Variants in TMEM132D observed in about 807,000 individuals in gnomAD.
TMEM132D encodes mature OL transmembrane protein.
A neutral mutation model predicts 62.3 loss-of-function variants in TMEM132D; 21 were observed. That is an observed-to-expected ratio of 0.34 (90% CI 0.24 to 0.49). The LOEUF is 0.49. Ranked by LOEUF, TMEM132D falls within the 20% of genes least tolerant of loss-of-function variation. TMEM132D has a pLI of 0.99. For missense variants in TMEM132D, 1,346 were observed against 1,402.8 expected (o/e 0.96, Z 0.65); for synonymous variants, 621 against 575.6 (o/e 1.08, Z -1.13).
intron 5 of TMEM132D, among the ~76,000 whole-genome samples, chr12:129,103,937 A>T (rs999385041): frequency 2.6e-5 from 4 of 152,240 alleles, no homozygotes; most frequent in East Asian, 3.8e-4. Flanking sequence ...GGGTAGGAAT[A>T]ATCAATATCT....
chr12:129,355,302 A>C (rs1421345508), intron 3 of TMEM132D, among the ~76,000 whole-genome samples: 1 of 151,856 alleles, frequency 6.6e-6, no homozygotes, highest in African/African-American at 2.4e-5. Context: ...TTTTTTTTCC[A>C]GAATAGAAAC....
At chr12:129,861,077 C>T (rs1462193357) in intron 1 of TMEM132D, among the ~76,000 whole-genome samples, 1 of 152,142 alleles carries the variant, frequency 6.6e-6, no homozygotes, top group Non-Finnish European at 1.5e-5. Context: ...TGTTTTTAAC[C>T]TTTTGAAACG....
intron 3 of TMEM132D, among the ~76,000 whole-genome samples, chr12:129,420,304 C>CTTTTTT (rs1566063045): frequency 7.2e-5 from 5 of 69,886 alleles, no homozygotes; most frequent in African/African-American, 2.0e-4. Flanking sequence ...TGCACGTTCT[C>CTTTTTT]TGTTTTTTTT....
chr12:129,229,797 C>T (rs1462755990), intron 4 of TMEM132D, among the ~76,000 whole-genome samples: 1 of 152,182 alleles, frequency 6.6e-6, no homozygotes, highest in African/African-American at 2.4e-5. Context: ...ACCTGCAAGC[C>T]ACAGGGATTT....
intron 4 of TMEM132D, among the ~76,000 whole-genome samples, chr12:129,235,882 G>C (rs1593306220): frequency 6.6e-6 from 1 of 152,034 alleles, no homozygotes; most frequent in East Asian, 1.9e-4. Context: ...ATTTCTATGA[G>C]AAATGCCATT....
chr12:129,863,117 G>A (rs2075701192), intron 1 of TMEM132D, among the ~76,000 whole-genome samples: 7 of 152,084 alleles, frequency 4.6e-5, no homozygotes, highest in Admixed American at 4.6e-4. Flanking sequence ...GACAAATGTG[G>A]GCTGTGTCAC....
chr12:129,772,012 G>A (rs1005715107), intron 1 of TMEM132D, among the ~76,000 whole-genome samples: 1 of 152,146 alleles, frequency 6.6e-6, no homozygotes, highest in African/African-American at 2.4e-5. Flanking sequence ...AAAGCAGAGT[G>A]CTGCATTTCC....
chr12:129,494,857 C>T (rs1874902572), intron 3 of TMEM132D, among the ~76,000 whole-genome samples: 3 of 152,176 alleles, frequency 2.0e-5, no homozygotes, highest in African/African-American at 7.2e-5. Context: ...ATCATCCTGG[C>T]CTCTTTGGGA....
intron 1 of TMEM132D, among the ~76,000 whole-genome samples, chr12:129,791,678 G>A (rs189517613): frequency 1.2e-3 from 181 of 152,056 alleles, no homozygotes; most frequent in African/African-American, 4.2e-3. Context: ...ACCAATCCGC[G>A]CTTCTCCACA....
At chr12:129,481,696 T>C (rs1029621030) in intron 3 of TMEM132D, among the ~76,000 whole-genome samples, 5 of 152,232 alleles carry the variant, frequency 3.3e-5, no homozygotes, top group Non-Finnish European at 7.3e-5. Flanking sequence ...AAATGAGCTC[T>C]CTTATACATT....
intron 1 of TMEM132D, among the ~76,000 whole-genome samples, chr12:129,790,849 G>GCA (rs1175795383): frequency 3.3e-5 from 5 of 152,142 alleles, no homozygotes; most frequent in Admixed American, 1.3e-4. Flanking sequence ...TCCATAGCAT[G>GCA]CACAGTGTCT....
intron 3 of TMEM132D, among the ~76,000 whole-genome samples, chr12:129,450,903 CTGCCACCA>C (rs1389109137): frequency 2.6e-3 from 11 of 4,246 alleles, no homozygotes; most frequent in East Asian, 0.056. Context: ...TTACAGGTGC[CTGCCACCA>C]CACCACCACA....
chr12:129,868,229 C>T (rs1489208501), intron 1 of TMEM132D, among the ~76,000 whole-genome samples: 4 of 152,082 alleles, frequency 2.6e-5, no homozygotes, highest in Non-Finnish European at 4.4e-5. Flanking sequence ...TTCTATGGTA[C>T]ATGAGGCAGC....
intron 1 of TMEM132D, among the ~76,000 whole-genome samples, chr12:129,768,516 G>A (rs1224637228): frequency 6.6e-6 from 1 of 151,818 alleles, no homozygotes; most frequent in African/African-American, 2.4e-5. Context: ...ATTAATATAT[G>A]ATTTAGGAGT....
chr12:129,148,155 T>C (rs922759257), intron 5 of TMEM132D, among the ~76,000 whole-genome samples: 1 of 152,136 alleles, frequency 6.6e-6, no homozygotes, highest in Non-Finnish European at 1.5e-5. Flanking sequence ...AAGCACCCCA[T>C]TTTTTTCTCT....
intron 1 of TMEM132D, among the ~76,000 whole-genome samples, chr12:129,708,447 T>C (rs1881555732): frequency 6.6e-6 from 1 of 152,006 alleles, no homozygotes; most frequent in Non-Finnish European, 1.5e-5. Flanking sequence ...TCAGCACTGC[T>C]GAAGACCAGC....
intron 1 of TMEM132D, among the ~76,000 whole-genome samples, chr12:129,738,670 A>G (rs1363234909): frequency 6.6e-6 from 1 of 152,108 alleles, no homozygotes; most frequent in Non-Finnish European, 1.5e-5. Context: ...ATTCAGTCAG[A>G]CCCATTTTCT....
chr12:129,691,421 T>C (rs1341299386), intron 2 of TMEM132D, among the ~76,000 whole-genome samples: 3 of 152,040 alleles, frequency 2.0e-5, no homozygotes, highest in Non-Finnish European at 4.4e-5. Context: ...ATCAATAAAA[T>C]TGATAAAATC....
chr12:129,701,377 G>A (rs1000115140), intron 1 of TMEM132D, among the ~76,000 whole-genome samples: 1 of 152,142 alleles, frequency 6.6e-6, no homozygotes, highest in Admixed American at 6.6e-5. Flanking sequence ...ATATTGGGAG[G>A]GGCCCTCTAG....
Sources: allele counts gnomAD v4.1 joint callset (sites outside exome capture counted in the v4.1 genomes callset), GRCh38; gene constraint gnomAD v4.1.1; transcripts MANE v1.5; gene names NCBI Gene and HGNC (gene_info 2026-07-23, HGNC 2026-07-21).